The following AUTS2 variants were observed in gnomAD, a reference collection of about 807,000 sequenced individuals.
The protein encoded by AUTS2 is autism susceptibility gene 2 protein.
A neutral mutation model predicts 112.4 loss-of-function variants in AUTS2; 17 were observed. That is an observed-to-expected ratio of 0.15 (90% confidence interval 0.10 to 0.23). The LOEUF (loss-of-function observed/expected upper bound fraction) is 0.23. Ranked by LOEUF, AUTS2 falls within the 10% of genes least tolerant of loss-of-function variation. The probability of loss-of-function intolerance (pLI) is 1.00; values close to 1 mark genes in which losing one functional copy is unlikely to be tolerated. For missense variants in AUTS2, 1,510 were observed against 1,701.6 expected (o/e 0.89, Z 1.98); for synonymous variants, 751 against 702.7 (o/e 1.07, Z -1.09).
intron 1 of AUTS2, among the ~76,000 whole-genome samples, chr7:69,711,137 G>A (rs184047144): frequency 6.6e-6 from 1 of 152,256 alleles, no homozygotes; most frequent in African/African-American, 2.4e-5. Flanking sequence ...TGAGGTTTTT[G>A]TGTTTATTTT....
At chr7:70,241,098 T>C (rs1812587963) in intron 4 of AUTS2, among the ~76,000 whole-genome samples, 2 of 152,198 alleles carry the variant, frequency 1.3e-5, no homozygotes, top group Admixed American at 1.3e-4. Flanking sequence ...TGGCCTCCTC[T>C]AGGTCTTAAT....
rs969545073 is a variant in AUTS2, at chr7:70,134,110, A to G, written c.625-426A>G. ...CACTGGGCTTTTTATTTTCAAGTCA[A>G]TCTGGGCTTTTTCCTCTTGCCTGCC... On this transcript the variant is annotated intron_variant, in intron 3 of 18. Coordinates refer to ENST00000342771, the MANE Select transcript of AUTS2 (RefSeq NM_015570.4). Among the ~76,000 whole-genome samples the G allele has an allele frequency of 4.6e-5, 7 of 152,252 alleles. No individual in the cohort carries two copies. In the East Asian group the frequency reaches 7.7e-4, roughly 17 times the overall value.
chr7:69,853,351 G>C (rs1181495654), intron 1 of AUTS2, among the ~76,000 whole-genome samples: 1 of 152,050 alleles, frequency 6.6e-6, no homozygotes, highest in Non-Finnish European at 1.5e-5. Context: ...ATATTTGCTT[G>C]ATTGATTGAC....
intron 5 of AUTS2, among the ~76,000 whole-genome samples, chr7:70,452,843 C>T (rs894371833): frequency 6.6e-6 from 1 of 152,120 alleles, no homozygotes; most frequent in Non-Finnish European, 1.5e-5. Context: ...GCAAAGACAG[C>T]CTTTATAATC....
intron 1 of AUTS2, among the ~76,000 whole-genome samples, chr7:69,799,667 CA>C (rs1482453230): frequency 6.6e-6 from 1 of 152,202 alleles, no homozygotes. Flanking sequence ...CCTGCATAAT[CA>C]TACATGGAAT....
chr7:70,410,851 G>GTTATTATTA (rs138979707), intron 4 of AUTS2, among the ~76,000 whole-genome samples: 37 of 148,194 alleles, frequency 2.5e-4, no homozygotes, highest in African/African-American at 9.2e-4. Flanking sequence ...TATTATTATT[G>GTTATTATTA]TTATTATTAT....
At chr7:69,791,575 A>AT (rs1053247468) in intron 1 of AUTS2, among the ~76,000 whole-genome samples, 2 of 152,182 alleles carry the variant, frequency 1.3e-5, no homozygotes, top group African/African-American at 4.8e-5. Flanking sequence ...CTTAATGGGA[A>AT]GGTGAGGAGA....
chr7:69,785,900 G>T (rs531841286), intron 1 of AUTS2, among the ~76,000 whole-genome samples: 1 of 152,062 alleles, frequency 6.6e-6, no homozygotes. Flanking sequence ...GCGCAATCTC[G>T]GCTTACTGCA....
At chr7:69,718,003 T>C (rs978880171) in intron 1 of AUTS2, among the ~76,000 whole-genome samples, 1 of 152,296 alleles carries the variant, frequency 6.6e-6, no homozygotes, top group African/African-American at 2.4e-5. Flanking sequence ...CAAAGATTTA[T>C]TGGGAGTCTA....
At chr7:70,432,142 T>C (rs1260666121) in intron 4 of AUTS2, among the ~76,000 whole-genome samples, 1 of 152,188 alleles carries the variant, frequency 6.6e-6, no homozygotes. Context: ...CTCAAGCTGG[T>C]AGTTAGTGTG....
intron 1 of AUTS2, among the ~76,000 whole-genome samples, chr7:69,723,719 T>G (rs1258357732): frequency 6.6e-6 from 1 of 152,218 alleles, no homozygotes; most frequent in African/African-American, 2.4e-5. Flanking sequence ...TATGTTTAAC[T>G]AGTAGAAGTC....
At chr7:70,458,006 G>A (rs146644355) in intron 5 of AUTS2, among the ~76,000 whole-genome samples, 25 of 151,774 alleles carry the variant, frequency 1.6e-4, no homozygotes, top group Non-Finnish European at 3.2e-4. Flanking sequence ...GAGTGAGAGG[G>A]GCCTAGAAAA....
At chr7:70,464,931 A>G (rs1342623466) in intron 5 of AUTS2, among the ~76,000 whole-genome samples, 1 of 152,162 alleles carries the variant, frequency 6.6e-6, no homozygotes, top group East Asian at 1.9e-4. Context: ...TTGTGCCCTC[A>G]TCATTATCTC....
intron 1 of AUTS2, among the ~76,000 whole-genome samples, chr7:69,890,415 G>A (rs867928542): frequency 2.0e-5 from 3 of 152,040 alleles, no homozygotes; most frequent in Non-Finnish European, 2.9e-5. Flanking sequence ...GAATTTATCT[G>A]TACCTGATCT....
intron 5 of AUTS2, among the ~76,000 whole-genome samples, chr7:70,663,223 C>T (rs564218589): frequency 1.4e-4 from 22 of 152,190 alleles, no homozygotes; most frequent in Middle Eastern, 3.4e-3. Flanking sequence ...GATGAAACCC[C>T]GTCTCTACTA....
chr7:70,498,967 C>A (rs1169616847), intron 5 of AUTS2, among the ~76,000 whole-genome samples: 2 of 152,276 alleles, frequency 1.3e-5, no homozygotes, highest in African/African-American at 4.8e-5. Flanking sequence ...CTGGACCGAA[C>A]CTTTGTGGAA....
chr7:70,178,528 A>G (rs1329798598), intron 4 of AUTS2, among the ~76,000 whole-genome samples: 1 of 152,192 alleles, frequency 6.6e-6, no homozygotes, highest in Non-Finnish European at 1.5e-5. Context: ...GGCCAGGCAC[A>G]GTGGCTCATG....
intron 4 of AUTS2, among the ~76,000 whole-genome samples, chr7:70,155,586 G>C (rs549411937): frequency 2.6e-5 from 4 of 151,696 alleles, no homozygotes; most frequent in African/African-American, 4.8e-5. Flanking sequence ...CTCGGTATCC[G>C]TCTCTGGCCA....
At chr7:69,841,176 C>A (rs1401792808) in intron 1 of AUTS2, among the ~76,000 whole-genome samples, 1 of 152,096 alleles carries the variant, frequency 6.6e-6, no homozygotes, top group African/African-American at 2.4e-5. Flanking sequence ...TTAGGCTGTT[C>A]TTGCATGGCT....
Sources: allele counts gnomAD v4.1 joint callset (sites outside exome capture counted in the v4.1 genomes callset), GRCh38; gene constraint gnomAD v4.1.1; transcripts MANE v1.5; gene names NCBI Gene and HGNC (gene_info 2026-07-23, HGNC 2026-07-21).